CDAN1: variants seen among roughly 807,000 people sequenced by gnomAD.
The protein encoded by CDAN1 is codanin 1.
In CDAN1, 107 loss-of-function variants were observed where a neutral mutation model predicts 139.8. The ratio of observed to expected loss-of-function variants is 0.77; its 90% CI spans 0.65 to 0.90. The LOEUF (loss-of-function observed/expected upper bound fraction) is 0.90, where lower values mean the gene tolerates loss of function less well. Among genes scored for constraint, CDAN1 ranks in the 40% least tolerant of loss-of-function variants. The pLI is 0.00. For synonymous variants in CDAN1, 776 were observed against 660.6 expected (o/e 1.17, Z -2.68); for missense variants, 1,667 against 1,575.7 (o/e 1.06, Z -0.98).
chr15:42,728,158 C>T (rs751198894), intron 21 of CDAN1, 46 bp downstream of exon 21: 1 of 1,607,504 alleles, frequency 6.2e-7, no homozygotes, highest in Non-Finnish European at 8.5e-7. Flanking sequence ...CGTGCACCTC[C>T]CCACAACTGC....
intron 25 of CDAN1, 53 bp downstream of exon 25, chr15:42,726,044 C>CCTGAGATT (rs1413093916): frequency 1.4e-6 from 2 of 1,479,984 alleles, no homozygotes; most frequent in Admixed American, 3.3e-5. Context: ...TGTACCCAAC[C>CCTGAGATT]CTGAGATTTG....
In CDAN1 at chr15:42,725,629, T is replaced by C. The variant is rs1202253745; in HGVS notation, c.3310A>G (p.Arg1104Gly). ...IPILGPPAQY[R>G]LERGQARRLL... ...CTTCGAGCCTGCCCTCTCTCCAGCCTGTACTGTGCCGGGGGCCCTAGGATA... is the reference window on the plus strand; with the variant it reads ...CTTCGAGCCTGCCCTCTCTCCAGCCCGTACTGTGCCGGGGGCCCTAGGATA... Residue 1104 changes from arginine to glycine, a missense_variant, in exon 26 of 28, where the codon AGG becomes GGG. Physicochemically the swap from Arg to Gly is moderately radical, Grantham distance 125. Transcript: ENST00000356231. 3.7e-6 allele frequency: 6 copies of C among 1,613,998 alleles called. No individual in the cohort carries two copies. In the African/African-American group the frequency reaches 4.0e-5, roughly 11 times the overall value.
chr15:42,729,298 C>T lies in CDAN1; in HGVS notation c.2472G>A (p.Met824Ile), dbSNP rs753084635. 3.5e-5 allele frequency: 56 copies of T among 1,613,738 alleles called. No individual in the cohort carries two copies. Among genetic ancestry groups the T allele is most frequent in the Non-Finnish European group, 4.7e-5 (55 of 1,179,936 alleles). Reference protein sequence around the residue: ...SGSSGRSGGFMRKITPTTTTS... With the variant: ...SGSSGRSGGFIRKITPTTTTS... ...TGGTAGTGGTGGGGGTGATTTTCCT[C>T]ATGAAGCCCCCACTCCGTCCACTAC... Residue 824 changes from methionine to isoleucine, a missense_variant, in exon 18 of 28, where the codon ATG (methionine) becomes ATA (isoleucine). Transcript: ENST00000356231.
intron 8 of CDAN1, among the ~76,000 whole-genome samples, 157 bp downstream of exon 8, chr15:42,733,781 A>G (rs1363968645): frequency 6.6e-6 from 1 of 152,226 alleles, no homozygotes; most frequent in East Asian, 1.9e-4. Flanking sequence ...ATGAGAATGA[A>G]GCCAGGTGGT....
At position 42,726,358 on chromosome 15, in the gene CDAN1, A is replaced by C. The variant is rs894680890; in HGVS notation, c.3156T>G (p.His1052Gln). 10 of 1,598,198 alleles carry C rather than the reference A, an allele frequency of 6.3e-6. No individual in the cohort carries two copies. The highest frequency in any genetic ancestry group is 1.7e-5 in the Admixed American group (1 of 57,612). Residue 1052 changes from histidine (H) to glutamine (Q), a missense_variant, in exon 24 of 28, where the codon CAT becomes CAG. Physicochemically the swap from His to Gln is conservative, Grantham distance 24 (BLOSUM62 0). Coordinates refer to ENST00000356231, the MANE Select transcript of CDAN1 (RefSeq NM_138477.4). Reference protein sequence around the residue: ...RDPDEGVSPEHLEQLLGQLGQ... With the variant: ...RDPDEGVSPEQLEQLLGQLGQ... ...CCAGCTGGCCTAGGAGCTGTTCCAG[A>C]TGCTCTGGGGAGACTCCCTCGTCAG...
intron 14 of CDAN1, 86 bp downstream of exon 14, chr15:42,730,512 T>C: frequency 6.7e-7 from 1 of 1,495,112 alleles, no homozygotes; most frequent in Non-Finnish European, 9.2e-7. Context: ...CAGTGCAGAC[T>C]GCTCGACCCT....
At position 42,724,468 on chromosome 15, in the gene CDAN1, C is replaced by T. The variant is rs772116614; in HGVS notation, c.*23G>A. On this transcript the variant is annotated 3_prime_UTR_variant, in exon 28 of 28. Coordinates refer to ENST00000356231, the MANE Select transcript of CDAN1 (RefSeq NM_138477.4). ...GGGTCCAGGGTTCTGGTGCAATGCC[C>T]AAGGCAGGGCCACTTCTCAGCCCTA... is the stretch of plus-strand genomic sequence containing the variant. 1.9e-6 allele frequency: 3 copies of T among 1,572,780 alleles called. No homozygotes were observed. Among genetic ancestry groups the T allele is most frequent in the Non-Finnish European group, 2.6e-6 (3 of 1,158,380 alleles).
intron 20 of CDAN1, 53 bp from the exon 21 acceptor site, chr15:42,728,320 A>G (rs2061560374): frequency 1.3e-6 from 2 of 1,582,448 alleles, no homozygotes; most frequent in Non-Finnish European, 1.7e-6. Context: ...GCCTGGCTGC[A>G]GAAGTAAATG....
At position 42,725,673 on chromosome 15, in the gene CDAN1, G is replaced by A. The variant is rs746704473; in HGVS notation, c.3269-3C>T. On this transcript the variant is annotated splice_polypyrimidine_tract_variant and splice_region_variant and intron_variant, in intron 25 of 27. Transcript: ENST00000356231. The stretch of plus-strand genomic sequence containing the variant: ...TAGGATAGGAATTTGATCTGCAACT[G>A]TGGAAAGAGGAAAGCCAAGCTTTAA... The A allele has an allele frequency of 1.2e-6, 2 of 1,613,858 alleles. No individual in the cohort carries two copies. Among genetic ancestry groups the A allele is most frequent in the Non-Finnish European group, 1.7e-6 (2 of 1,179,966 alleles).
chr15:42,727,173 G>C (rs1040375384), intron 23 of CDAN1: 2 of 159,032 alleles, frequency 1.3e-5, no homozygotes, highest in Admixed American at 1.2e-4. Context: ...TCCTGCTCTA[G>C]AGAGTCTTTG....
At position 42,730,329 on chromosome 15, in the gene CDAN1, T is replaced by C. The variant is rs533273813; in HGVS notation, c.2175-114A>G. ...GCAGAACTAAAAGGGACTGGGGCCA[T>C]GTTGGCAAGCAGGATCCCCCCAGCC... On this transcript the variant is annotated intron_variant, in intron 14 of 27. Transcript: ENST00000356231. The C allele has an allele frequency of 2.1e-5, 22 of 1,069,008 alleles. No individual in the cohort carries two copies. In the South Asian group the frequency reaches 2.3e-4, roughly 11 times the overall value. The allele number at this position is 1,069,008 out of a possible 1,614,324, so 66.2% of individuals were successfully genotyped here. A position where few individuals can be genotyped will look rare whatever the true frequency, so the allele number is the denominator to read the frequency against.
chr15:42,726,689 C>A (rs2061534201), intron 23 of CDAN1: 1 of 540,760 alleles, frequency 1.8e-6, no homozygotes, highest in African/African-American at 1.9e-5. Flanking sequence ...AACTTGGGAC[C>A]AAACTGTAGC....
At chr15:42,733,070 C>G (rs2061637372) in intron 9 of CDAN1, 27 bp downstream of exon 9, 1 of 1,607,768 alleles carries the variant, frequency 6.2e-7, no homozygotes. Context: ...TTGCCAGGAA[C>G]AAGAAAGACA....
chr15:42,728,546 A>C, intron 20 of CDAN1, 106 bp downstream of exon 20: 1 of 1,475,548 alleles, frequency 6.8e-7, no homozygotes, highest in Non-Finnish European at 9.4e-7. Flanking sequence ...AGAAGAAAAA[A>C]GGAGGCATGA....
intron 17 of CDAN1, 75 bp from the exon 18 acceptor site, chr15:42,729,437 A>C: frequency 3.7e-6 from 6 of 1,605,056 alleles, no homozygotes; most frequent in Non-Finnish European, 5.1e-6. Context: ...TTACTTGTGG[A>C]GTCAAGAGGC....
rs2061681879 is a variant in CDAN1 at position 42,735,960 on chromosome 15, C to T, written c.688G>A (p.Ala230Thr). The T allele has an allele frequency of 1.2e-6, 2 of 1,614,216 alleles. No homozygotes were observed. Among genetic ancestry groups the T allele is most frequent in the Middle Eastern group, 1.6e-4 (1 of 6,062 alleles). ...AGGCCCCAAGGGCTAGTGTCCAGGG[C>T]TGAGGGTTGGGAACTGGGGACACAG... ...ISCVPSSQPS[A>T]LDTSPWGLGL... Residue 230 changes from alanine to threonine, a missense_variant, in exon 3 of 28, where the codon GCC becomes ACC. Around this residue, in one of 3 missense-constraint regions of CDAN1, gnomAD observed 487 missense variants for 422.2 expected, o/e 1.15. Transcript: ENST00000356231.
chr15:42,729,015 A>C lies in CDAN1; in HGVS notation c.2645+8T>G. On this transcript the variant is annotated splice_region_variant and intron_variant, in intron 19 of 27. Coordinates refer to ENST00000356231, the MANE Select transcript of CDAN1 (RefSeq NM_138477.4). ...GCGATGAGACCAGGATCCTTAACCC[A>C]CTCTTACTTGATATGTTTGACACAG... is the stretch of plus-strand genomic sequence containing the variant. 1 of 1,613,122 alleles carries C rather than the reference A, an allele frequency of 6.2e-7. No individual in the cohort carries two copies. Among genetic ancestry groups the C allele is most frequent in the African/African-American group, 1.3e-5 (1 of 74,914 alleles).
rs1364625305 is a variant in CDAN1 at position 42,733,971 on chromosome 15, C to G, written c.1334G>C (p.Ser445Thr). ...CTTAAAAGTATGAAAGGCTCGGTCA[C>G]TGGAGAAGTTGGCACGATTGTCAGT... is the stretch of plus-strand genomic sequence containing the variant. ...PETDNRANFS[S>T]DRAFHTFKKQ... Residue 445 changes from serine (S) to threonine (T), a missense_variant, in exon 8 of 28, where the codon AGT becomes ACT. Physicochemically the swap from Ser to Thr is moderately conservative, Grantham distance 58 (BLOSUM62 1). Transcript: ENST00000356231. 6.2e-7 allele frequency: 1 copy of G among 1,614,100 alleles called. No individual in the cohort carries two copies. Among genetic ancestry groups the G allele is most frequent in the Non-Finnish European group, 8.5e-7 (1 of 1,179,944 alleles).
chr15:42,728,510 A>G (rs1421342579), intron 20 of CDAN1, 142 bp downstream of exon 20: 7 of 1,257,114 alleles, frequency 5.6e-6, no homozygotes, highest in Middle Eastern at 2.6e-4. Context: ...CAGCCAGTGC[A>G]GGGCTTATAG....
Sources: allele counts gnomAD v4.1 joint callset (sites outside exome capture counted in the v4.1 genomes callset), GRCh38; gene constraint gnomAD v4.1.1; regional missense constraint gnomAD v4.1.1; transcripts MANE v1.5; gene names NCBI Gene and HGNC (gene_info 2026-07-23, HGNC 2026-07-21).